DOCK1: variants seen among roughly 807,000 people sequenced by gnomAD.
DOCK1 encodes dedicator of cytokinesis protein 1.
Under a neutral mutation model 262.7 loss-of-function variants are expected in DOCK1, and 138 were observed. The ratio of observed to expected loss-of-function variants is 0.53; its 90% confidence interval spans 0.46 to 0.61. The LOEUF is 0.61. DOCK1 is among the 20% of genes least tolerant of loss of function. DOCK1 has a pLI of 0.00. For synonymous variants in DOCK1, 866 were observed against 867.4 expected (o/e 1.00, Z 0.03); for missense variants, 1,908 against 2,370.7 (o/e 0.80, Z 4.05).
chr10:126,944,364 C>A (rs2035236833), intron 1 of DOCK1, among the ~76,000 whole-genome samples: 1 of 151,940 alleles, frequency 6.6e-6, no homozygotes. Flanking sequence ...CTGCAGGAAG[C>A]CCTCAGCACG....
At chr10:127,123,472 G>A (rs1023053322) in intron 25 of DOCK1, among the ~76,000 whole-genome samples, 1 of 152,226 alleles carries the variant, frequency 6.6e-6, no homozygotes, top group Non-Finnish European at 1.5e-5. Context: ...AGGGTGTGCT[G>A]AGGAAGCATT....
At chr10:127,372,148 G>A (rs566638960) in intron 33 of DOCK1, among the ~76,000 whole-genome samples, 37 of 152,310 alleles carry the variant, frequency 2.4e-4, no homozygotes, top group African/African-American at 8.9e-4. Flanking sequence ...TTGATGTCAG[G>A]CAAGAATCAG....
At chr10:127,285,939 C>T (rs547254377) in intron 29 of DOCK1, among the ~76,000 whole-genome samples, 1 of 152,300 alleles carries the variant, frequency 6.6e-6, no homozygotes, top group South Asian at 2.1e-4. Context: ...CTATCACGAG[C>T]CTGAGGCTGG....
At chr10:127,077,746 T>C (rs761760960) in intron 23 of DOCK1, among the ~76,000 whole-genome samples, 9 of 152,236 alleles carry the variant, frequency 5.9e-5, no homozygotes, top group Non-Finnish European at 1.2e-4. Context: ...CACTGCATCA[T>C]TGGGTGTCCA....
intron 23 of DOCK1, among the ~76,000 whole-genome samples, chr10:127,076,993 A>C (rs1368082294): frequency 6.6e-6 from 1 of 152,164 alleles, no homozygotes; most frequent in Non-Finnish European, 1.5e-5. Flanking sequence ...GAGTGTGGTG[A>C]TTAGGGGTTG....
At chr10:127,213,289 A>G (rs574735262) in intron 27 of DOCK1, among the ~76,000 whole-genome samples, 1 of 152,360 alleles carries the variant, frequency 6.6e-6, no homozygotes, top group East Asian at 1.9e-4. Context: ...AGACAGAAAG[A>G]ACAAGATGGG....
chr10:127,271,930 C>A (rs2060583835), intron 29 of DOCK1: 1 of 150,402 alleles, frequency 6.6e-6, no homozygotes, highest in African/African-American at 2.4e-5. Context: ...GATCTATTAG[C>A]CAGAGCTAAT....
At chr10:127,383,870 G>A (rs1428235143) in intron 37 of DOCK1, among the ~76,000 whole-genome samples, 4 of 152,192 alleles carry the variant, frequency 2.6e-5, no homozygotes, top group African/African-American at 7.2e-5. Flanking sequence ...CTGCCCGTAG[G>A]TGCCCATGGA....
At chr10:127,425,368 C>T (rs554072327) in intron 46 of DOCK1, among the ~76,000 whole-genome samples, 1 of 152,268 alleles carries the variant, frequency 6.6e-6, no homozygotes, top group East Asian at 1.9e-4. Flanking sequence ...TTTGTGACAG[C>T]AGTGTCGCAG....
At chr10:126,922,970 G>A (rs924307705) in intron 1 of DOCK1, among the ~76,000 whole-genome samples, 1 of 152,146 alleles carries the variant, frequency 6.6e-6, no homozygotes, top group African/African-American at 2.4e-5. Flanking sequence ...TTAGCTGGAT[G>A]TGGCAGTGCA....
Position 127,078,577 on chromosome 10 carries a change from C to T in DOCK1, c.2445+16801C>T, listed in dbSNP as rs936157957. Among the ~76,000 whole-genome samples the T allele has an allele frequency of 5.3e-5, 8 of 152,204 alleles. No homozygotes were observed. The East Asian group carries it at 7.7e-4, about 15-fold the overall frequency. On this transcript the variant is annotated intron_variant, in intron 23 of 51. Coordinates refer to ENST00000623213, the MANE Select transcript of DOCK1 (RefSeq NM_001290223.2). ...TGTAGAAGATACTGATCTTTGGATC[C>T]GGCAATCCCATTCCTGGGTATCTAC... is the stretch of plus-strand genomic sequence containing the variant.
At chr10:127,143,235 A>G (rs866385191) in intron 27 of DOCK1, among the ~76,000 whole-genome samples, 3 of 152,164 alleles carry the variant, frequency 2.0e-5, no homozygotes, top group Non-Finnish European at 2.9e-5. Context: ...AAGCAGGACA[A>G]TCTGGTGCCC....
At position 127,451,444 on chromosome 10, in the gene DOCK1, G is replaced by T. The variant is rs778291564; in HGVS notation, c.*17G>T. 6.4e-7 allele frequency: 1 copy of T among 1,560,414 alleles called. No homozygotes were observed. On this transcript the variant is annotated 3_prime_UTR_variant, in exon 52 of 52. Coordinates refer to ENST00000623213, the MANE Select transcript of DOCK1 (RefSeq NM_001290223.2). ...GTGCAGTGACGTCGCAAGCCTCTCT[G>T]GAAAGAGTGTGCTGCCCCTCCCCAT...
chr10:127,196,659 G>T lies in DOCK1; in HGVS notation c.2848-51349G>T, dbSNP rs2057184511. On this transcript the variant is annotated intron_variant, in intron 27 of 51. Transcript: ENST00000623213. ...GGGCCGGGCCGGGCCGCGTGCGTGGGGTGGGGGATAGGGAGGGAGTGGAGG... is the reference window on the plus strand; with the variant it reads ...GGGCCGGGCCGGGCCGCGTGCGTGGTGTGGGGGATAGGGAGGGAGTGGAGG... Among the ~76,000 whole-genome samples the T allele has an allele frequency of 7.4e-5, 11 of 149,258 alleles. No individual in the cohort carries two copies. The South Asian group carries it at 2.3e-3, about 31-fold the overall frequency.
chr10:127,320,075 A>G (rs1254341409), intron 29 of DOCK1, among the ~76,000 whole-genome samples: 1 of 152,090 alleles, frequency 6.6e-6, no homozygotes, highest in Non-Finnish European at 1.5e-5. Flanking sequence ...GCCCTTGTGC[A>G]CTCATCGGTG....
At chr10:126,961,219 A>G (rs1437997174) in intron 1 of DOCK1, among the ~76,000 whole-genome samples, 2 of 152,278 alleles carry the variant, frequency 1.3e-5, no homozygotes, top group African/African-American at 2.4e-5. Context: ...CAGAGCCACA[A>G]TCTTTCTGTT....
chr10:127,156,671 C>T (rs536415158), intron 27 of DOCK1, among the ~76,000 whole-genome samples: 6 of 148,036 alleles, frequency 4.1e-5, no homozygotes, highest in Non-Finnish European at 5.9e-5. Context: ...TGGGTTCAAG[C>T]GATTCTCCTG....
At chr10:126,987,355 C>T (rs988321416) in intron 4 of DOCK1, among the ~76,000 whole-genome samples, 166 bp from the exon 5 acceptor site, 12 of 152,094 alleles carry the variant, frequency 7.9e-5, no homozygotes, top group South Asian at 2.1e-4. Flanking sequence ...ACTTGTCATT[C>T]GTAGAGACGT....
intron 3 of DOCK1, among the ~76,000 whole-genome samples, chr10:126,979,041 A>T (rs1288412438): frequency 6.6e-6 from 1 of 152,190 alleles, no homozygotes; most frequent in Non-Finnish European, 1.5e-5. Context: ...AGTGAGCCAG[A>T]TCTGCAAATT....
Sources: gnomAD v4.1 joint callset for allele counts (sites outside exome capture counted in the v4.1 genomes callset) on GRCh38, gnomAD v4.1.1 for gene constraint, MANE v1.5 for transcripts, NCBI Gene and HGNC (gene_info 2026-07-23, HGNC 2026-07-21) for gene names.